Variants in SYNJ2 observed in about 807,000 individuals in gnomAD.
SYNJ2 encodes the protein synaptojanin 2, also known as polyphosphatidylinositol phosphatase SYNJ2.
In SYNJ2, 116 loss-of-function variants were observed where a neutral mutation model predicts 141.3. The observed-to-expected ratio is 0.82, with a 90% CI of 0.71 to 0.96. The LOEUF (loss-of-function observed/expected upper bound fraction) is 0.96. Among genes scored for constraint, SYNJ2 ranks in the 40% least tolerant of loss-of-function variants. The probability of loss-of-function intolerance (pLI) is 0.00; values close to 1 mark genes in which losing one functional copy is unlikely to be tolerated. For synonymous variants in SYNJ2, 745 were observed against 777.7 expected (o/e 0.96, Z 0.70); for missense variants, 1,873 against 1,934.8 (o/e 0.97, Z 0.60).
chr6:158,058,654 C>A (rs959067462), intron 6 of SYNJ2, among the ~76,000 whole-genome samples: 1 of 152,182 alleles, frequency 6.6e-6, no homozygotes, highest in Non-Finnish European at 1.5e-5. Context: ...AGCCCAGGCA[C>A]GGTGGCTTAT....
At chr6:157,997,626 C>T (rs966840407) in intron 1 of SYNJ2, among the ~76,000 whole-genome samples, 2 of 152,162 alleles carry the variant, frequency 1.3e-5, no homozygotes, top group African/African-American at 4.8e-5. Context: ...TTCAAGCCCC[C>T]CGTTCTGTGG....
intron 25 of SYNJ2, among the ~76,000 whole-genome samples, chr6:158,090,805 A>G (rs941539196): frequency 1.3e-5 from 2 of 151,290 alleles, no homozygotes; most frequent in African/African-American, 4.9e-5. Flanking sequence ...TTGGCCTCCT[A>G]AAGTGCTGGG....
At chr6:158,056,320 C>G (rs1358293460) in intron 6 of SYNJ2, among the ~76,000 whole-genome samples, 3 of 152,164 alleles carry the variant, frequency 2.0e-5, no homozygotes, top group African/African-American at 7.2e-5. Context: ...CACAAGCACC[C>G]CAGAGGCTGC....
intron 1 of SYNJ2, among the ~76,000 whole-genome samples, chr6:158,010,744 G>C (rs1051990605): frequency 5.3e-5 from 8 of 152,200 alleles, no homozygotes; most frequent in African/African-American, 1.7e-4. Flanking sequence ...CAGTGTGACT[G>C]CTGTTCTAAG....
chr6:158,057,355 C>T (rs1263248228), intron 6 of SYNJ2, among the ~76,000 whole-genome samples: 3 of 152,252 alleles, frequency 2.0e-5, no homozygotes, highest in Non-Finnish European at 2.9e-5. Flanking sequence ...TGGGTGCCAG[C>T]GTCCCCTTAC....
At chr6:158,093,435 C>CAAAA (rs1004076513) in intron 26 of SYNJ2, among the ~76,000 whole-genome samples, 5 of 51,536 alleles carry the variant, frequency 9.7e-5, no homozygotes, top group African/African-American at 4.1e-4. Flanking sequence ...GACTCCACCT[C>CAAAA]AAAAAAAAAA....
chr6:158,016,935 G>A (rs1475191391), intron 1 of SYNJ2: 51 of 1,119,568 alleles, frequency 4.6e-5, no homozygotes, highest in Non-Finnish European at 4.8e-5. Flanking sequence ...CCAGCTGGAC[G>A]CCAGAACCCC....
At chr6:158,011,253 G>A (rs535527220) in intron 1 of SYNJ2, among the ~76,000 whole-genome samples, 39 of 152,268 alleles carry the variant, frequency 2.6e-4, no homozygotes, top group African/African-American at 8.9e-4. Context: ...ACAAGACACA[G>A]GGCCAGGTAA....
In SYNJ2 at chr6:158,020,327, ACT is replaced by A. The variant is rs376871093; in HGVS notation, c.214+3040_214+3041del. ...CCTGTGTGACTCCAACTGTGGACTG[ACT>A]CTAACTATGTGACTGACTCCAACTG... On this transcript the variant is annotated intron_variant, in intron 2 of 26. Transcript: ENST00000355585. 6.1e-5 allele frequency among the ~76,000 whole-genome samples: 9 copies of A among 147,736 alleles called. No homozygotes were observed. The East Asian group carries it at 1.8e-3, about 30-fold the overall frequency.
chr6:158,090,753 C>T (rs1008546411), intron 25 of SYNJ2, among the ~76,000 whole-genome samples: 2 of 151,700 alleles, frequency 1.3e-5, no homozygotes, highest in East Asian at 3.9e-4. Context: ...CCTTGTTGGC[C>T]AGGCTGGTCT....
intron 4 of SYNJ2, among the ~76,000 whole-genome samples, chr6:158,038,635 C>T (rs770122235): frequency 3.3e-5 from 5 of 152,210 alleles, no homozygotes; most frequent in Non-Finnish European, 7.3e-5. Context: ...TCCACGTGGG[C>T]CTTCAGCAAA....
intron 1 of SYNJ2, among the ~76,000 whole-genome samples, chr6:158,014,762 G>A (rs1327562642): frequency 6.6e-6 from 1 of 152,258 alleles, no homozygotes; most frequent in Non-Finnish European, 1.5e-5. Context: ...CCTGCCTTCT[G>A]TCCTCCTGTG....
intron 6 of SYNJ2, among the ~76,000 whole-genome samples, chr6:158,056,876 T>G (rs914593135): frequency 1.3e-5 from 2 of 152,152 alleles, no homozygotes; most frequent in Non-Finnish European, 2.9e-5. Context: ...GCCGAGGCGG[T>G]CTCTTGTCAC....
At chr6:158,055,114 G>A (rs894113335) in intron 6 of SYNJ2, 86 bp downstream of exon 6, 189 of 1,401,896 alleles carry the variant, frequency 1.3e-4, no homozygotes, top group Middle Eastern at 2.4e-4. Context: ...AGGGTGCGAC[G>A]GGAAAGGGAG....
At chr6:158,005,227 G>T (rs1199236734) in intron 1 of SYNJ2, among the ~76,000 whole-genome samples, 1 of 152,054 alleles carries the variant, frequency 6.6e-6, no homozygotes, top group Non-Finnish European at 1.5e-5. Context: ...ACAGGTGCCC[G>T]CAACGACGCC....
intron 12 of SYNJ2, 87 bp from the exon 13 acceptor site, chr6:158,068,560 T>C (rs1781708458): frequency 2.0e-6 from 3 of 1,466,538 alleles, no homozygotes; most frequent in Non-Finnish European, 2.8e-6. Flanking sequence ...ACAGCATGAC[T>C]CGGGAGAGGG....
intron 1 of SYNJ2, among the ~76,000 whole-genome samples, chr6:157,984,185 A>G (rs938876053): frequency 2.6e-5 from 4 of 152,224 alleles, no homozygotes; most frequent in Non-Finnish European, 5.9e-5. Context: ...GTAAAATGAA[A>G]CTATTTTTAA....
At chr6:158,018,594 G>C (rs1045437720) in intron 2 of SYNJ2, among the ~76,000 whole-genome samples, 2 of 152,168 alleles carry the variant, frequency 1.3e-5, no homozygotes, top group African/African-American at 4.8e-5. Flanking sequence ...GAACTGTGAC[G>C]ATTACAGTGA....
intron 1 of SYNJ2, among the ~76,000 whole-genome samples, chr6:158,002,886 G>A (rs1278641672): frequency 6.6e-6 from 1 of 152,182 alleles, no homozygotes; most frequent in Non-Finnish European, 1.5e-5. Flanking sequence ...TTTTTAAGGT[G>A]CAAACTGTTT....
Sources: gnomAD v4.1 joint callset for allele counts (sites outside exome capture counted in the v4.1 genomes callset) on GRCh38, gnomAD v4.1.1 for gene constraint, MANE v1.5 for transcripts, NCBI Gene and HGNC (gene_info 2026-07-23, HGNC 2026-07-21) for gene names.